Variants in PPID observed in about 807,000 individuals in gnomAD.
PPID encodes the protein peptidyl-prolyl cis-trans isomerase D.
A neutral mutation model predicts 48.1 loss-of-function variants in PPID; 47 were observed. The observed-to-expected ratio is 0.98, with a 90% CI of 0.77 to 1.25. The LOEUF (loss-of-function observed/expected upper bound fraction) is 1.25, where lower values mean the gene tolerates loss of function less well. PPID is among the 50% of genes most tolerant of loss of function. The pLI is 0.00. For missense variants in PPID, 429 were observed against 443.5 expected (o/e 0.97, Z 0.29); for synonymous variants, 163 against 148.8 (o/e 1.10, Z -0.69).
At chr4:158,721,295 G>A (rs770226179) in intron 2 of PPID, 48 bp downstream of exon 2, 7 of 1,591,674 alleles carry the variant, frequency 4.4e-6, no homozygotes, top group Non-Finnish European at 6.0e-6. Context: ...CTAAAGAACA[G>A]GACTTGTCTG....
chr4:158,713,478 A>G (rs1774822237), intron 6 of PPID, among the ~76,000 whole-genome samples: 1 of 152,242 alleles, frequency 6.6e-6, no homozygotes, highest in Admixed American at 6.5e-5. Flanking sequence ...AGCAATTCCC[A>G]AATCTAATTA....
chr4:158,723,118 G>A (rs2126343668), intron 1 of PPID, 86 bp downstream of exon 1: 3 of 1,352,034 alleles, frequency 2.2e-6, no homozygotes, highest in Non-Finnish European at 3.1e-6. Flanking sequence ...TCACCGGCCG[G>A]AGCCGCATTC....
In PPID at chr4:158,721,006, G is replaced by A. The variant is rs529275805; in HGVS notation, c.226+337C>T. Among the ~76,000 whole-genome samples the A allele has an allele frequency of 8.5e-5, 13 of 152,312 alleles. No individual in the cohort carries two copies. In the East Asian group the frequency reaches 9.7e-4, roughly 11 times the overall value. On this transcript the variant is annotated intron_variant, in intron 2 of 9. Coordinates refer to ENST00000307720, the MANE Select transcript of PPID (RefSeq NM_005038.3). ...TGGGATTACAGGCGTGAGCCACTGC[G>A]CCCGGTCTATGCATAACTTTTTTGT...
At chr4:158,717,676 A>G (rs1774894531) in intron 3 of PPID, among the ~76,000 whole-genome samples, 1 of 152,196 alleles carries the variant, frequency 6.6e-6, no homozygotes. Context: ...AAACATCAAT[A>G]AACTGGAACA....
At chr4:158,715,713 T>C in intron 4 of PPID, 29 bp from the exon 5 acceptor site, 1 of 1,590,546 alleles carries the variant, frequency 6.3e-7, no homozygotes. Flanking sequence ...ATTGTAGAAG[T>C]GCACTATCGT....
Position 158,719,168 on chromosome 4 carries a change from T to C in PPID, c.333+12A>G. Reference sequence around the variant, plus strand: ...TTTTTATCAGCAATAACATGCATTTTCTCTACTTTACCTTGTAATGGAAAT... The same window carrying C: ...TTTTTATCAGCAATAACATGCATTTCCTCTACTTTACCTTGTAATGGAAAT... On this transcript the variant is annotated intron_variant, in intron 3 of 9. Transcript: ENST00000307720. 6.6e-7 allele frequency: 1 copy of C among 1,513,118 alleles called. No homozygotes were observed. Among genetic ancestry groups the C allele is most frequent in the Non-Finnish European group, 9.2e-7 (1 of 1,091,258 alleles). The allele number at this position is 1,513,118 out of a possible 1,614,324, so 93.7% of individuals were successfully genotyped here. A position where few individuals can be genotyped will look rare whatever the true frequency, so the allele number is the denominator to read the frequency against.
intron 7 of PPID, among the ~76,000 whole-genome samples, chr4:158,712,088 C>T (rs1461132619): frequency 2.6e-5 from 4 of 152,202 alleles, no homozygotes; most frequent in African/African-American, 9.7e-5. Flanking sequence ...TTTAGTTCTA[C>T]TTGCTCTGAG....
chr4:158,722,437 A>G (rs180893319), intron 1 of PPID, among the ~76,000 whole-genome samples: 3 of 152,386 alleles, frequency 2.0e-5, no homozygotes, highest in Admixed American at 1.3e-4. Flanking sequence ...AGCAGCTAAG[A>G]CAGGTGAGAT....
chr4:158,721,849 T>C (rs1038635464), intron 1 of PPID, among the ~76,000 whole-genome samples: 4 of 152,242 alleles, frequency 2.6e-5, no homozygotes, highest in Non-Finnish European at 5.9e-5. Context: ...TGTAACATAA[T>C]GTCCTCCATA....
At chr4:158,714,525 A>C (rs113732973) in intron 6 of PPID, among the ~76,000 whole-genome samples, 2,047 of 152,252 alleles carry the variant, frequency 0.013, 37 homozygotes, top group African/African-American at 0.045. Flanking sequence ...TATAACACAT[A>C]ATCTTAGTTT....
chr4:158,715,529 TAATTA>T (rs1281515368), intron 5 of PPID, 28 bp downstream of exon 5: 1 of 1,605,288 alleles, frequency 6.2e-7, no homozygotes, highest in Non-Finnish European at 8.5e-7. Flanking sequence ...CTTACTAAAT[TAATTA>T]AAGTTTGACT....
intron 6 of PPID, among the ~76,000 whole-genome samples, chr4:158,714,036 A>T (rs900144901): frequency 6.6e-6 from 1 of 152,170 alleles, no homozygotes; most frequent in East Asian, 1.9e-4. Flanking sequence ...AAAAAAAAAG[A>T]AAAGAAAAAT....
Position 158,719,969 on chromosome 4 carries a change from T to C in PPID, c.227-683A>G, listed in dbSNP as rs145591340. On this transcript the variant is annotated intron_variant, in intron 2 of 9. Coordinates refer to ENST00000307720, the MANE Select transcript of PPID (RefSeq NM_005038.3). The stretch of plus-strand genomic sequence containing the variant: ...TGCAGGCTTCCTTATGCTTTCTCCG[T>C]CCCATGAAGTGCTACAGAACACACA... 7.1e-4 allele frequency among the ~76,000 whole-genome samples: 108 copies of C among 152,218 alleles called. 2 individuals carry two copies. The highest frequency in any genetic ancestry group is 1.2e-3 in the Non-Finnish European group (83 of 68,014).
chr4:158,709,410 T>C lies in PPID; in HGVS notation c.*326A>G. 1.1e-5 allele frequency: 2 copies of C among 181,746 alleles called. No homozygotes were observed. Among genetic ancestry groups the C allele is most frequent in the Non-Finnish European group, 2.3e-5 (2 of 87,648 alleles). 11.3% of individuals were successfully genotyped at this position (181,746 alleles called of 1,614,324 possible). A position where few individuals can be genotyped will look rare whatever the true frequency, so the allele number is the denominator to read the frequency against. ...AGCTGGGCGTGGTGGCACGTGCCTG[T>C]AATCCCAGCTACTTGGGAAGCTGAG... On this transcript the variant is annotated 3_prime_UTR_variant, in exon 10 of 10. Transcript: ENST00000307720.
Position 158,719,364 on chromosome 4 carries a change from A to C in PPID, c.227-78T>G, listed in dbSNP as rs1054013093. ...ATGCTTACTAATGGATACGTACGTA[A>C]GACAACTTTGTAGTGCATGACTCTA... On this transcript the variant is annotated intron_variant, in intron 2 of 9. Transcript: ENST00000307720. The C allele has an allele frequency of 1.3e-5, 12 of 936,306 alleles. No homozygotes were observed. The Admixed American group carries it at 2.4e-4, about 18-fold the overall frequency. The allele number at this position is 936,306 out of a possible 1,614,324, so 58.0% of individuals were successfully genotyped here.
intron 3 of PPID, among the ~76,000 whole-genome samples, chr4:158,717,617 C>T (rs974681685): frequency 3.9e-5 from 6 of 152,140 alleles, no homozygotes; most frequent in South Asian, 2.1e-4. Context: ...AAGACCTGAA[C>T]GGTCTTCCAA....
chr4:158,710,382 G>A (rs1774768703), intron 9 of PPID: 3 of 577,738 alleles, frequency 5.2e-6, no homozygotes, highest in South Asian at 2.1e-5. Context: ...CTACAGAGAT[G>A]ATAACTTGAA....
At chr4:158,709,927 C>G in intron 9 of PPID, 103 bp from the exon 10 acceptor site, 1 of 861,800 alleles carries the variant, frequency 1.2e-6, no homozygotes, top group Non-Finnish European at 1.8e-6. Context: ...AAAAACTTCT[C>G]TACAAAGTAA....
chr4:158,709,676 C>CTTTACA lies in PPID; in HGVS notation c.*54_*59dup. On this transcript the variant is annotated 3_prime_UTR_variant, in exon 10 of 10. Transcript: ENST00000307720. ...AGGGATCATATTCATAGACAAAAAC[C>CTTTACA]TTTACATTTTCTTATTGCATTTATA... The CTTTACA allele has an allele frequency of 7.7e-7, 1 of 1,300,424 alleles. No homozygotes were observed. 80.6% of individuals were successfully genotyped at this position (1,300,424 alleles called of 1,614,324 possible).
Sources: allele counts gnomAD v4.1 joint callset (sites outside exome capture counted in the v4.1 genomes callset), GRCh38; gene constraint gnomAD v4.1.1; transcripts MANE v1.5; gene names NCBI Gene and HGNC (gene_info 2026-07-23, HGNC 2026-07-21).